Variants in CTDSP2 observed in about 807,000 individuals in gnomAD.
CTDSP2 encodes the protein CTD small phosphatase 2, also known as carboxy-terminal domain RNA polymerase II polypeptide A small phosphatase 2.
A neutral mutation model predicts 31.6 loss-of-function variants in CTDSP2; 9 were observed. That is an observed-to-expected ratio of 0.28 (90% CI 0.17 to 0.50). The LOEUF is 0.50. Ranked by LOEUF, CTDSP2 falls within the 20% of genes least tolerant of loss-of-function variation. The probability of loss-of-function intolerance (pLI) is 0.98; values close to 1 mark genes in which losing one functional copy is unlikely to be tolerated. For synonymous variants in CTDSP2, 134 were observed against 134.5 expected, an observed-to-expected ratio of 1.00 and a Z score of 0.03; for missense variants, 267 against 348.5, an observed-to-expected ratio of 0.77 and a Z score of 1.86.
chr12:57,826,535 G>C, intron 4 of CTDSP2, 133 bp from the exon 5 acceptor site: 1 of 758,404 alleles, frequency 1.3e-6, no homozygotes, highest in Non-Finnish European at 2.2e-6. Flanking sequence ...TCATTAAGGG[G>C]TTCTCACCCT....
At chr12:57,831,952 G>C (rs1000580732) in intron 1 of CTDSP2, among the ~76,000 whole-genome samples, 2 of 152,208 alleles carry the variant, frequency 1.3e-5, no homozygotes, top group African/African-American at 2.4e-5. Flanking sequence ...CCCTGGAGAG[G>C]AGCAGGGAAA....
intron 2 of CTDSP2, 116 bp from the exon 3 acceptor site, chr12:57,827,706 G>A (rs1162685131): frequency 2.1e-6 from 2 of 961,936 alleles, no homozygotes; most frequent in Non-Finnish European, 3.3e-6. Flanking sequence ...CCAGCCACCT[G>A]GAAGCTCCTA....
intron 1 of CTDSP2, among the ~76,000 whole-genome samples, chr12:57,839,611 A>G (rs1476718296): frequency 4.6e-5 from 7 of 152,084 alleles, no homozygotes; most frequent in East Asian, 1.9e-4. Context: ...CCAGCTACTC[A>G]GGAGGCTGAG....
intron 2 of CTDSP2, among the ~76,000 whole-genome samples, chr12:57,828,687 T>C (rs1287049783): frequency 6.6e-6 from 1 of 152,236 alleles, no homozygotes; most frequent in Non-Finnish European, 1.5e-5. Flanking sequence ...ATTTAACCAT[T>C]TCCCCTACTG....
At chr12:57,830,719 C>A (rs375186403) in intron 1 of CTDSP2, among the ~76,000 whole-genome samples, 1 of 152,066 alleles carries the variant, frequency 6.6e-6, no homozygotes, top group African/African-American at 2.4e-5. Flanking sequence ...ATCATTTGGG[C>A]GGTGGAAACA....
At position 57,820,542 on chromosome 12, in the gene CTDSP2, A is replaced by G. The variant is rs997912402; in HGVS notation, c.*3060T>C. ...ATAGAATAGCATCCATTTCCCAGAG[A>G]AAGACTGCCTTTACATTTCCCATGC... On this transcript the variant is annotated 3_prime_UTR_variant, in exon 8 of 8. Transcript: ENST00000398073. The G allele has an allele frequency of 6.6e-6, 1 of 152,600 alleles. No individual in the cohort carries two copies. Among genetic ancestry groups the G allele is most frequent in the Non-Finnish European group, 1.5e-5 (1 of 68,044 alleles). The allele number at this position is 152,600 out of a possible 1,614,324, so 9.5% of individuals were successfully genotyped here.
At position 57,821,753 on chromosome 12, in the gene CTDSP2, A is replaced by C. The variant is rs1956146668; in HGVS notation, c.*1849T>G. On this transcript the variant is annotated 3_prime_UTR_variant, in exon 8 of 8. Coordinates refer to ENST00000398073, the MANE Select transcript of CTDSP2 (RefSeq NM_005730.4). ...CACCGGGACCCCATAGGCACCGGGG[A>C]GTGATGCTGGCGGAAATGGCCACAT... 6.6e-6 allele frequency: 1 copy of C among 152,162 alleles called. No homozygotes were observed. Among genetic ancestry groups the C allele is most frequent in the African/African-American group, 2.4e-5 (1 of 41,416 alleles). The allele number at this position is 152,162 out of a possible 1,614,324, so 9.4% of individuals were successfully genotyped here. A position where few individuals can be genotyped will look rare whatever the true frequency, so the allele number is the denominator to read the frequency against.
chr12:57,843,723 C>G (rs1388015051), intron 1 of CTDSP2, among the ~76,000 whole-genome samples: 1 of 152,190 alleles, frequency 6.6e-6, no homozygotes, highest in Non-Finnish European at 1.5e-5. Flanking sequence ...GAAGAAGGAA[C>G]TCCAAAAGGA....
intron 1 of CTDSP2, 73 bp downstream of exon 1, chr12:57,846,299 C>G: frequency 7.0e-7 from 1 of 1,430,438 alleles, no homozygotes; most frequent in South Asian, 1.2e-5. Flanking sequence ...GGGCCGAGAC[C>G]TGGGTTCGGG....
At chr12:57,835,790 G>C in intron 1 of CTDSP2, among the ~76,000 whole-genome samples, 1 of 152,310 alleles carries the variant, frequency 6.6e-6, no homozygotes, top group South Asian at 2.1e-4. Context: ...GGCGGGGTGT[G>C]AGGAGAAGAG....
chr12:57,846,492 T>C lies in CTDSP2; in HGVS notation c.-57A>G, dbSNP rs917900981. ...CGGGAGGACGGGCGGGCGCGCGGGC[T>C]GGGCTGGGCTGGGGGGCCTGGGCGG... On this transcript the variant is annotated 5_prime_UTR_variant, in exon 1 of 8. Coordinates refer to ENST00000398073, the MANE Select transcript of CTDSP2 (RefSeq NM_005730.4). 95 of 1,446,268 alleles carry C rather than the reference T, an allele frequency of 6.6e-5. No homozygotes were observed. Among genetic ancestry groups the C allele is most frequent in the Non-Finnish European group, 8.1e-5 (87 of 1,074,648 alleles). 89.6% of individuals were successfully genotyped at this position (1,446,268 alleles called of 1,614,324 possible).
intron 1 of CTDSP2, 41 bp from the exon 2 acceptor site, chr12:57,829,637 A>G (rs775343155): frequency 3.1e-6 from 5 of 1,588,166 alleles, no homozygotes; most frequent in East Asian, 2.2e-5. Context: ...CTCTAGGGAC[A>G]TCAGTTTCTG....
chr12:57,823,458 G>A lies in CTDSP2; in HGVS notation c.*144C>T. The A allele has an allele frequency of 1.1e-6, 1 of 945,004 alleles. No individual in the cohort carries two copies. 58.5% of individuals were successfully genotyped at this position (945,004 alleles called of 1,614,324 possible). On this transcript the variant is annotated 3_prime_UTR_variant, in exon 8 of 8. Transcript: ENST00000398073. ...CATTCGCCCACTCGGCATCTAAGCT[G>A]TCCTAAAGCTCTTTCCAGTTACTTC...
At chr12:57,841,382 C>T (rs2140484846) in intron 1 of CTDSP2, among the ~76,000 whole-genome samples, 1 of 152,348 alleles carries the variant, frequency 6.6e-6, no homozygotes, top group African/African-American at 2.4e-5. Context: ...AAACCTCAAT[C>T]TCTCTGAATT....
rs957544005 is a variant in CTDSP2 at position 57,823,260 on chromosome 12, G to A, written c.*342C>T. ...CAGTGGCTCTTAGGGTGACAGGAGA[G>A]GAGACAAGCTAACTTGGGAAGAGTC... On this transcript the variant is annotated 3_prime_UTR_variant, in exon 8 of 8. Transcript: ENST00000398073. 12 of 341,286 alleles carry A rather than the reference G, an allele frequency of 3.5e-5. No individual in the cohort carries two copies. Among genetic ancestry groups the A allele is most frequent in the Admixed American group, 1.6e-4 (4 of 25,752 alleles). The allele number at this position is 341,286 out of a possible 1,614,324, so 21.1% of individuals were successfully genotyped here.
intron 2 of CTDSP2, among the ~76,000 whole-genome samples, 171 bp downstream of exon 2, chr12:57,829,277 A>G (rs1389385396): frequency 1.3e-5 from 2 of 152,230 alleles, no homozygotes; most frequent in Non-Finnish European, 2.9e-5. Context: ...GCAAAAGGGA[A>G]GGAACAGAAA....
chr12:57,840,463 C>A (rs1191675950), intron 1 of CTDSP2, among the ~76,000 whole-genome samples: 1 of 152,180 alleles, frequency 6.6e-6, no homozygotes, highest in African/African-American at 2.4e-5. Flanking sequence ...TGACGTGAGT[C>A]AGAAAACCTG....
intron 2 of CTDSP2, among the ~76,000 whole-genome samples, chr12:57,828,167 C>A (rs907671675): frequency 6.6e-6 from 1 of 152,148 alleles, no homozygotes; most frequent in Non-Finnish European, 1.5e-5. Context: ...TGCCTGTAAT[C>A]CCAGCACTTT....
At position 57,829,442 on chromosome 12, in the gene CTDSP2, A is replaced by G. The variant is rs368835402; in HGVS notation, c.213+6T>C. 18 of 1,612,368 alleles carry G rather than the reference A, an allele frequency of 1.1e-5. No individual in the cohort carries two copies. The East Asian group carries it at 1.8e-4, about 16-fold the overall frequency. On this transcript the variant is annotated splice_donor_region_variant and intron_variant, in intron 2 of 7. Coordinates refer to ENST00000398073, the MANE Select transcript of CTDSP2 (RefSeq NM_005730.4). ...TGCTGGCATCTTACCACCCCAACCC[A>G]CCTACCTTAGCAATGGTGTTTGCTT...
Sources: gnomAD v4.1 joint callset for allele counts (sites outside exome capture counted in the v4.1 genomes callset) on GRCh38, gnomAD v4.1.1 for gene constraint, MANE v1.5 for transcripts, NCBI Gene and HGNC (gene_info 2026-07-23, HGNC 2026-07-21) for gene names.